The following KAZN variants were observed in gnomAD, a reference collection of about 807,000 sequenced individuals.
KAZN encodes kazrin.
KAZN carries 40 observed loss-of-function variants against 87.4 expected under a neutral mutation model. The observed-to-expected ratio is 0.46, with a 90% CI of 0.36 to 0.60. KAZN has a LOEUF of 0.60. Among genes scored for constraint, KAZN ranks in the 20% least tolerant of loss-of-function variants. The pLI, the probability that KAZN is intolerant of heterozygous loss-of-function variation, is 0.00. For synonymous variants in KAZN, 466 were observed against 458.3 expected (o/e 1.02, Z -0.22); for missense variants, 898 against 1,073.9 (o/e 0.84, Z 2.29).
chr1:14,815,814 G>A (rs1022417963), intron 1 of KAZN, among the ~76,000 whole-genome samples: 11 of 152,176 alleles, frequency 7.2e-5, no homozygotes, highest in African/African-American at 1.2e-4. Context: ...ACATCAGGCA[G>A]TGATAAGGCA....
chr1:14,543,537 A>C (rs1672943621), intron 2 of KAZN, among the ~76,000 whole-genome samples: 1 of 152,182 alleles, frequency 6.6e-6, no homozygotes, highest in Non-Finnish European at 1.5e-5. Context: ...TTAGAAATTT[A>C]TATCAGCTCA....
chr1:14,436,831 G>C (rs1248894417), intron 2 of KAZN, among the ~76,000 whole-genome samples: 1 of 152,060 alleles, frequency 6.6e-6, no homozygotes, highest in East Asian at 1.9e-4. Flanking sequence ...ACTTGGCCAA[G>C]GTCCGACAGC....
intron 1 of KAZN, among the ~76,000 whole-genome samples, chr1:13,916,482 G>A (rs764190219): frequency 6.6e-6 from 1 of 152,112 alleles, no homozygotes; most frequent in Non-Finnish European, 1.5e-5. Context: ...CTCTATTAAT[G>A]TTCATTTTCC....
rs543613291 is a variant in KAZN, at chr1:14,673,124, G to A, written c.226+73901G>A. 2.6e-4 allele frequency among the ~76,000 whole-genome samples: 39 copies of A among 152,328 alleles called. No homozygotes were observed. The South Asian group carries it at 7.5e-3, about 29-fold the overall frequency. On this transcript the variant is annotated intron_variant, in intron 1 of 14. Transcript: ENST00000376030. ...ATTAGCCTAGGAAGGCCTTACCTTG[G>A]TACATTATATCACAGCTGGAGGTTA...
chr1:14,418,199 T>C (rs1028902812), intron 2 of KAZN, among the ~76,000 whole-genome samples: 2 of 151,888 alleles, frequency 1.3e-5, no homozygotes, highest in Non-Finnish European at 2.9e-5. Flanking sequence ...GTAGTGTTGA[T>C]GAGATATTAG....
chr1:14,472,662 T>G (rs1203278338), intron 2 of KAZN, among the ~76,000 whole-genome samples: 2 of 151,812 alleles, frequency 1.3e-5, no homozygotes, highest in Non-Finnish European at 2.9e-5. Flanking sequence ...TTTTTTTCCT[T>G]CACAATTTGC....
At chr1:14,825,964 C>T (rs767952285) in intron 1 of KAZN, among the ~76,000 whole-genome samples, 2 of 152,206 alleles carry the variant, frequency 1.3e-5, no homozygotes, top group Admixed American at 6.5e-5. Flanking sequence ...TCAGTGAACA[C>T]GCTCTGAATT....
intron 1 of KAZN, among the ~76,000 whole-genome samples, chr1:14,744,347 G>T (rs1246501283): frequency 6.6e-6 from 1 of 152,174 alleles, no homozygotes; most frequent in Non-Finnish European, 1.5e-5. Context: ...GTCCAGTGAG[G>T]TTAGGTGGCC....
intron 2 of KAZN, among the ~76,000 whole-genome samples, chr1:14,402,520 A>G (rs917083760): frequency 3.3e-5 from 5 of 152,164 alleles, no homozygotes; most frequent in African/African-American, 1.2e-4. Flanking sequence ...GTTTCATGGG[A>G]AAACTGAATA....
intron 2 of KAZN, among the ~76,000 whole-genome samples, chr1:14,259,066 C>G (rs1419972366): frequency 6.6e-6 from 1 of 151,978 alleles, no homozygotes; most frequent in Admixed American, 6.5e-5. Context: ...AGCTGCGGGA[C>G]AGATGAACAA....
At chr1:14,872,259 G>A (rs1458257270) in intron 1 of KAZN, among the ~76,000 whole-genome samples, 1 of 152,180 alleles carries the variant, frequency 6.6e-6, no homozygotes, top group Non-Finnish European at 1.5e-5. Context: ...ACTTTAGGGT[G>A]GTTATGGAGC....
intron 2 of KAZN, among the ~76,000 whole-genome samples, chr1:14,414,791 G>A (rs550308370): frequency 5.1e-4 from 78 of 152,258 alleles, no homozygotes; most frequent in African/African-American, 1.8e-3. Flanking sequence ...TTGGGAGGCC[G>A]AGGATGATGG....
chr1:14,247,294 G>A lies in KAZN; in HGVS notation c.249+66702G>A, dbSNP rs147561770. Among the ~76,000 whole-genome samples the A allele has an allele frequency of 5.3e-4, 81 of 152,196 alleles. No individual in the cohort carries two copies. In the East Asian group the frequency reaches 0.013, roughly 25 times the overall value. ...AGTTAAAAATCAAGGTAATTTTAAG[G>A]TCAGAAAAACAAGCTATCTGGGGGA... On this transcript the variant is annotated intron_variant, in intron 2 of 16. Coordinates refer to the KAZN transcript ENST00000636203.
intron 1 of KAZN, among the ~76,000 whole-genome samples, chr1:14,700,223 C>T (rs1446564131): frequency 1.3e-5 from 2 of 152,146 alleles, no homozygotes; most frequent in Admixed American, 6.5e-5. Flanking sequence ...GACTTGCCCA[C>T]GTCATTCTTG....
At chr1:14,833,394 T>G (rs1263644310) in intron 1 of KAZN, among the ~76,000 whole-genome samples, 4 of 151,946 alleles carry the variant, frequency 2.6e-5, no homozygotes, top group Non-Finnish European at 5.9e-5. Context: ...GGTGTGTGTG[T>G]GGGCAGCAGA....
At chr1:14,024,603 C>T (rs1239651812) in intron 1 of KAZN, among the ~76,000 whole-genome samples, 4 of 152,164 alleles carry the variant, frequency 2.6e-5, no homozygotes, top group African/African-American at 9.7e-5. Flanking sequence ...GACTTGTTGC[C>T]TGGGTGCACA....
intron 1 of KAZN, among the ~76,000 whole-genome samples, chr1:14,621,248 G>C (rs190426557): frequency 1.7e-4 from 26 of 152,304 alleles, no homozygotes; most frequent in Admixed American, 1.6e-3. Flanking sequence ...TCAGCAGCCA[G>C]AGTCATGCCA....
intron 2 of KAZN, among the ~76,000 whole-genome samples, chr1:14,564,511 A>T (rs1467822678): frequency 6.6e-6 from 1 of 152,128 alleles, no homozygotes; most frequent in East Asian, 1.9e-4. Flanking sequence ...GGGTGAATGT[A>T]TGTTAAATGC....
intron 1 of KAZN, among the ~76,000 whole-genome samples, chr1:14,087,192 G>T: frequency 6.6e-6 from 1 of 152,172 alleles, no homozygotes; most frequent in South Asian, 2.1e-4. Flanking sequence ...TCGTGTACAG[G>T]TCTTGCACTT....
Sources: gnomAD v4.1 joint callset for allele counts (sites outside exome capture counted in the v4.1 genomes callset) on GRCh38, gnomAD v4.1.1 for gene constraint, MANE v1.5 for transcripts, NCBI Gene and HGNC (gene_info 2026-07-23, HGNC 2026-07-21) for gene names.